Variants in DEUP1 observed in about 807,000 individuals in gnomAD.
The protein encoded by DEUP1 is deuterosome assembly protein 1.
In DEUP1, 82 loss-of-function variants were observed where a neutral mutation model predicts 87.4. The ratio of observed to expected loss-of-function variants is 0.94; its 90% CI spans 0.78 to 1.13. DEUP1 has a LOEUF of 1.13. DEUP1 is among the 50% of genes most tolerant of loss of function. The pLI is 0.00. For missense variants in DEUP1, 663 were observed against 681.5 expected, an observed-to-expected ratio of 0.97 and a Z score of 0.30; for synonymous variants, 214 against 222.7, an observed-to-expected ratio of 0.96 and a Z score of 0.35.
intron 2 of DEUP1, among the ~76,000 whole-genome samples, chr11:93,336,414 G>A (rs181768162): frequency 1.8e-4 from 28 of 152,254 alleles, no homozygotes; most frequent in East Asian, 3.9e-4. Flanking sequence ...CCATATCAGC[G>A]GGCTTATTGA....
At chr11:93,364,361 G>A (rs1945312816) in intron 5 of DEUP1, 67 bp downstream of exon 5, 2 of 1,366,866 alleles carry the variant, frequency 1.5e-6, no homozygotes, top group Admixed American at 3.7e-5. Flanking sequence ...TGGGCTATTT[G>A]TCTCTAGTGT....
chr11:93,369,139 G>T (rs967598070), intron 5 of DEUP1, among the ~76,000 whole-genome samples: 5 of 151,982 alleles, frequency 3.3e-5, no homozygotes, highest in Non-Finnish European at 4.4e-5. Flanking sequence ...TCCTCAGATG[G>T]CAGGGAGAAA....
At chr11:93,371,741 A>G (rs1170520494) in intron 7 of DEUP1, among the ~76,000 whole-genome samples, 1 of 152,230 alleles carries the variant, frequency 6.6e-6, no homozygotes, top group Non-Finnish European at 1.5e-5. Flanking sequence ...TTTATCAAAC[A>G]GTAACCTAGA....
At chr11:93,341,745 C>G (rs1944090469) in intron 2 of DEUP1, among the ~76,000 whole-genome samples, 1 of 152,128 alleles carries the variant, frequency 6.6e-6, no homozygotes, top group African/African-American at 2.4e-5. Flanking sequence ...ATGTTAGTTT[C>G]CTATGGTTAT....
At chr11:93,416,699 T>C (rs1947644281) in intron 13 of DEUP1, among the ~76,000 whole-genome samples, 2 of 151,854 alleles carry the variant, frequency 1.3e-5, no homozygotes, top group South Asian at 4.2e-4. Flanking sequence ...ATCATCCTGA[T>C]ACCAAAGCCT....
intron 13 of DEUP1, among the ~76,000 whole-genome samples, chr11:93,429,316 A>G (rs1459817679): frequency 6.6e-6 from 1 of 152,186 alleles, no homozygotes; most frequent in African/African-American, 2.4e-5. Context: ...ACATACCAAT[A>G]ATGTAAACTA....
At chr11:93,342,443 AG>A (rs1944128617) in intron 2 of DEUP1, among the ~76,000 whole-genome samples, 1 of 152,238 alleles carries the variant, frequency 6.6e-6, no homozygotes, top group Admixed American at 6.5e-5. Flanking sequence ...CTGCAAGAGA[AG>A]GCACTGAGGC....
chr11:93,336,204 G>A (rs954027683), intron 2 of DEUP1, among the ~76,000 whole-genome samples: 2 of 152,184 alleles, frequency 1.3e-5, no homozygotes, highest in Admixed American at 6.5e-5. Context: ...AGAAGGCGAA[G>A]AGGAAGGAGG....
intron 7 of DEUP1, among the ~76,000 whole-genome samples, chr11:93,372,801 G>A (rs1945808416): frequency 6.6e-6 from 1 of 152,224 alleles, no homozygotes; most frequent in Admixed American, 6.5e-5. Context: ...GCCAGAAATA[G>A]TCTGGAAATA....
At chr11:93,348,613 G>T (rs968369350) in intron 2 of DEUP1, among the ~76,000 whole-genome samples, 3 of 152,166 alleles carry the variant, frequency 2.0e-5, no homozygotes, top group African/African-American at 4.8e-5. Context: ...TCAGAAGCAG[G>T]TTATTCAGTT....
intron 13 of DEUP1, among the ~76,000 whole-genome samples, chr11:93,419,509 G>A (rs1201101530): frequency 6.6e-6 from 1 of 152,052 alleles, no homozygotes; most frequent in Non-Finnish European, 1.5e-5. Context: ...TGCCTCCCCT[G>A]GTGCTGACAT....
At chr11:93,396,670 CT>C (rs954678735) in intron 11 of DEUP1, among the ~76,000 whole-genome samples, 1 of 152,196 alleles carries the variant, frequency 6.6e-6, no homozygotes, top group African/African-American at 2.4e-5. Context: ...GAAGCCACCC[CT>C]GAAACCCCAG....
chr11:93,359,788 C>T (rs1945075336), intron 4 of DEUP1, among the ~76,000 whole-genome samples: 1 of 152,164 alleles, frequency 6.6e-6, no homozygotes, highest in Admixed American at 6.5e-5. Flanking sequence ...AAAACTATAG[C>T]CCCACTGCCA....
At chr11:93,418,905 C>T (rs1233308407) in intron 13 of DEUP1, among the ~76,000 whole-genome samples, 3 of 151,390 alleles carry the variant, frequency 2.0e-5, no homozygotes, top group African/African-American at 4.9e-5. Context: ...AGTTGGAAAT[C>T]ATCATTCTCA....
chr11:93,419,685 A>G (rs1332304727), intron 13 of DEUP1, among the ~76,000 whole-genome samples: 1 of 152,060 alleles, frequency 6.6e-6, no homozygotes, highest in East Asian at 1.9e-4. Context: ...GATTAAATAT[A>G]TTAAAGTTTT....
chr11:93,408,061 T>C (rs1947332570), intron 11 of DEUP1, among the ~76,000 whole-genome samples, 170 bp from the exon 12 acceptor site: 1 of 152,004 alleles, frequency 6.6e-6, no homozygotes, highest in Non-Finnish European at 1.5e-5. Flanking sequence ...ATCTGCTTGT[T>C]GTGAGGAGGT....
At chr11:93,394,771 T>C in intron 10 of DEUP1, 115 bp downstream of exon 10, 3 of 718,186 alleles carry the variant, frequency 4.2e-6, no homozygotes, top group Non-Finnish European at 6.6e-6. Context: ...TTTCTGAGAC[T>C]AGCTTCACAG....
In DEUP1 at chr11:93,388,878, T is replaced by G. The variant is rs1946674929; in HGVS notation, c.936-142T>G. The G allele has an allele frequency of 4.1e-5, 23 of 563,648 alleles. No individual in the cohort carries two copies. The South Asian group carries it at 5.8e-4, about 14-fold the overall frequency. The allele number at this position is 563,648 out of a possible 1,614,324, so 34.9% of individuals were successfully genotyped here. ...TTATGGGATCTGAATGTATTAGAAC[T>G]TGCAATTTCTGTAACTAAAAATGTT... On this transcript the variant is annotated intron_variant, in intron 8 of 13. Transcript: ENST00000298050.
Position 93,429,657 on chromosome 11 carries a change from G to A in DEUP1, c.1639-7886G>A, listed in dbSNP as rs201333124. 5.9e-5 allele frequency among the ~76,000 whole-genome samples: 9 copies of A among 152,224 alleles called. No homozygotes were observed. The East Asian group carries it at 1.7e-3, about 29-fold the overall frequency. On this transcript the variant is annotated intron_variant, in intron 13 of 13. Coordinates refer to ENST00000298050, the MANE Select transcript of DEUP1 (RefSeq NM_181645.4). ...TTGCTTGCCCTCCCTCCTTTAGAAT[G>A]TATGCTCCATGAAAGCAGGGGGTGT...
Sources: allele counts gnomAD v4.1 joint callset (sites outside exome capture counted in the v4.1 genomes callset), GRCh38; gene constraint gnomAD v4.1.1; transcripts MANE v1.5; gene names NCBI Gene and HGNC (gene_info 2026-07-23, HGNC 2026-07-21).